Variants in LARP4B observed in about 807,000 individuals in gnomAD.
LARP4B encodes the protein la-related protein 4B.
Under a neutral mutation model 89.8 loss-of-function variants are expected in LARP4B, and 12 were observed. The ratio of observed to expected loss-of-function variants is 0.13; its 90% CI spans 0.09 to 0.22. LARP4B has a LOEUF of 0.22. Among genes scored for constraint, LARP4B ranks in the 10% least tolerant of loss-of-function variants. The pLI is 1.00. For missense variants in LARP4B, 757 were observed against 947.7 expected, an observed-to-expected ratio of 0.80 and a Z score of 2.64; for synonymous variants, 367 against 363.3, an observed-to-expected ratio of 1.01 and a Z score of -0.12.
intron 1 of LARP4B, among the ~76,000 whole-genome samples, chr10:921,579 C>G (rs1013596793): frequency 1.3e-5 from 2 of 152,080 alleles, no homozygotes; most frequent in South Asian, 4.1e-4. Context: ...AATAGTATGC[C>G]AAGAATCTGT....
upstream of LARP4B, among the ~76,000 whole-genome samples, chr10:934,604 C>G (rs906088352): frequency 6.6e-6 from 1 of 152,152 alleles, no homozygotes; most frequent in Non-Finnish European, 1.5e-5. Context: ...TCATGATCTT[C>G]TTTTTTTCAA....
intron 1 of LARP4B, among the ~76,000 whole-genome samples, chr10:911,682 C>T (rs1836668859): frequency 6.6e-6 from 1 of 152,196 alleles, no homozygotes; most frequent in Non-Finnish European, 1.5e-5. Flanking sequence ...CACTCACCCC[C>T]TTCTGGAAGG....
At chr10:852,779 T>A (rs1834122180) in intron 5 of LARP4B, among the ~76,000 whole-genome samples, 2 of 152,186 alleles carry the variant, frequency 1.3e-5, no homozygotes, top group African/African-American at 4.8e-5. Flanking sequence ...ATAACAAAAT[T>A]TCTGGGTTTG....
At chr10:987,102 G>A in the LARP4B span, 1 of 151,644 alleles carries the variant, frequency 6.6e-6, no homozygotes, top group East Asian at 1.9e-4. Context: ...AAAAGAAAGG[G>A]CAATAAGTAT....
Position 829,597 on chromosome 10 carries a change from G to A in LARP4B, c.916-3C>T, listed in dbSNP as rs374721721. On this transcript the variant is annotated splice_polypyrimidine_tract_variant and splice_region_variant and intron_variant, in intron 10 of 17. Coordinates refer to ENST00000316157, the MANE Select transcript of LARP4B (RefSeq NM_015155.3). ...ATTGCCTTTGCTTTTATCCGTGCCTGTTTGAAAATATGTAAGTTTCTATTA... is the reference window on the plus strand; with the variant it reads ...ATTGCCTTTGCTTTTATCCGTGCCTATTTGAAAATATGTAAGTTTCTATTA... 93 of 1,613,440 alleles carry A rather than the reference G, an allele frequency of 5.8e-5. 1 individual carries two copies. Among genetic ancestry groups the A allele is most frequent in the Admixed American group, 2.5e-4 (15 of 59,908 alleles).
At chr10:968,660 ATGG>A in the LARP4B span, among the ~76,000 whole-genome samples, 2 of 152,214 alleles carry the variant, frequency 1.3e-5, no homozygotes, top group African/African-American at 4.8e-5. Context: ...TGCTTTGTTG[ATGG>A]TATCTCAAAG....
chr10:919,270 G>C (rs1189379859), intron 1 of LARP4B, among the ~76,000 whole-genome samples: 8 of 152,138 alleles, frequency 5.3e-5, no homozygotes, highest in Non-Finnish European at 8.8e-5. Flanking sequence ...GTGCTGCACA[G>C]AACGCTGACC....
At chr10:963,423 G>C in the LARP4B span, among the ~76,000 whole-genome samples, 3 of 152,164 alleles carry the variant, frequency 2.0e-5, no homozygotes, top group Non-Finnish European at 2.9e-5. Flanking sequence ...TGGGGAGCTG[G>C]GGCCCTGCCT....
At chr10:892,209 T>G (rs1836050091) in intron 1 of LARP4B, among the ~76,000 whole-genome samples, 1 of 152,250 alleles carries the variant, frequency 6.6e-6, no homozygotes, top group Non-Finnish European at 1.5e-5. Flanking sequence ...TTATTTAATG[T>G]CTCTTTATGT....
intron 1 of LARP4B, among the ~76,000 whole-genome samples, chr10:925,531 T>A (rs1264885450): frequency 6.6e-6 from 1 of 152,128 alleles, no homozygotes; most frequent in African/African-American, 2.4e-5. Flanking sequence ...GGCATTTATT[T>A]TATTTTATTT....
chr10:830,963 T>G lies in LARP4B; in HGVS notation c.765A>C (p.Leu255=). 8.9e-7 allele frequency: 1 copy of G among 1,119,936 alleles called. No homozygotes were observed. The highest frequency in any genetic ancestry group is 1.4e-6 in the Non-Finnish European group (1 of 738,698). 69.4% of individuals were successfully genotyped at this position (1,119,936 alleles called of 1,614,324 possible). The change falls in exon 9 of 18, where the codon CTA becomes CTC. Residue 255 remains leucine (L), a synonymous_variant. Transcript: ENST00000316157. ...ESTPVEEVEA[L]FKGDNLPKFI... is the part of the protein sequence containing the mutation. Reference sequence around the variant, plus strand: ...ATTTTGGTAAATTATCTCCTTTAAATAGTGCTTCTACTTCCTACAGGAAAT... The same window carrying G: ...ATTTTGGTAAATTATCTCCTTTAAAGAGTGCTTCTACTTCCTACAGGAAAT...
At chr10:825,677 A>G in intron 12 of LARP4B, 87 bp downstream of exon 12, 1 of 839,362 alleles carries the variant, frequency 1.2e-6, no homozygotes. Flanking sequence ...TGCGAGGAGC[A>G]GGACTAGTGA....
chr10:814,659 C>A lies in LARP4B; in HGVS notation c.1929+83G>T, dbSNP rs767737617. The A allele has an allele frequency of 7.7e-6, 12 of 1,551,518 alleles. No individual in the cohort carries two copies. Among genetic ancestry groups the A allele is most frequent in the Non-Finnish European group, 1.0e-5 (12 of 1,147,046 alleles). The stretch of plus-strand genomic sequence containing the variant: ...CACCAAATTAGATGTGATTAAAAAA[C>A]GAGCAGGTGCAGGAGTGCGCAGCGT... On this transcript the variant is annotated intron_variant, in intron 17 of 17. Transcript: ENST00000316157. The surrounding 1 kb of genome is among the most constrained non-coding windows in gnomAD (Gnocchi z 4.4).
chr10:949,360 A>G, the LARP4B span, among the ~76,000 whole-genome samples: 1 of 151,636 alleles, frequency 6.6e-6, no homozygotes, highest in Non-Finnish European at 1.5e-5. Context: ...CGGCTGTACC[A>G]TCTTACATCC....
At chr10:853,786 G>A (rs1376398908) in intron 5 of LARP4B, among the ~76,000 whole-genome samples, 1 of 152,178 alleles carries the variant, frequency 6.6e-6, no homozygotes, top group Non-Finnish European at 1.5e-5. Flanking sequence ...TGATGATGAG[G>A]GCTGACTGTT....
At chr10:919,214 ATG>A (rs1014792193) in intron 1 of LARP4B, among the ~76,000 whole-genome samples, 51 of 152,312 alleles carry the variant, frequency 3.3e-4, no homozygotes, top group Middle Eastern at 3.4e-3. Flanking sequence ...CTGAACTATG[ATG>A]TGTGACTTAA....
At chr10:984,017 C>T in the LARP4B span, among the ~76,000 whole-genome samples, 1 of 152,216 alleles carries the variant, frequency 6.6e-6, no homozygotes, top group African/African-American at 2.4e-5. Context: ...TTTAAGCCTC[C>T]TCCCTCTGGA....
chr10:919,510 G>A (rs1460517521), intron 1 of LARP4B, among the ~76,000 whole-genome samples: 1 of 152,088 alleles, frequency 6.6e-6, no homozygotes, highest in Non-Finnish European at 1.5e-5. Flanking sequence ...AAAAAAGGGA[G>A]GGGGCTTTCA....
At chr10:856,692 G>A (rs910832688) in intron 5 of LARP4B, among the ~76,000 whole-genome samples, 16 of 152,160 alleles carry the variant, frequency 1.1e-4, no homozygotes, top group African/African-American at 3.9e-4. Context: ...TATACTTTCT[G>A]GAGCTCGATC....
Sources: gnomAD v4.1 joint callset for allele counts (sites outside exome capture counted in the v4.1 genomes callset) on GRCh38, gnomAD v4.1.1 for gene constraint, Gnocchi (gnomAD v3.1) non-coding constraint, MANE v1.5 for transcripts, NCBI Gene and HGNC (gene_info 2026-07-23, HGNC 2026-07-21) for gene names.